Variants in CACNA2D1 observed in about 807,000 individuals in gnomAD.
The protein encoded by CACNA2D1 is calcium voltage-gated channel auxiliary subunit alpha2delta 1.
A neutral mutation model predicts 171.5 loss-of-function variants in CACNA2D1; 53 were observed. The ratio of observed to expected loss-of-function variants is 0.31; its 90% CI spans 0.25 to 0.39. The LOEUF is 0.39. Ranked by LOEUF, CACNA2D1 falls within the 10% of genes least tolerant of loss-of-function variation. CACNA2D1 has a pLI of 1.00. For synonymous variants in CACNA2D1, 442 were observed against 443.1 expected, an observed-to-expected ratio of 1.00 and a Z score of 0.03; for missense variants, 903 against 1,299.8, an observed-to-expected ratio of 0.69 and a Z score of 4.69.
intron 3 of CACNA2D1, among the ~76,000 whole-genome samples, chr7:82,173,586 T>C (rs1335558933): frequency 6.6e-6 from 1 of 151,260 alleles, no homozygotes. Flanking sequence ...GGGACTAGAG[T>C]CAACAGTCAC....
At chr7:81,980,656 G>A (rs1457717336) in intron 24 of CACNA2D1, among the ~76,000 whole-genome samples, 1 of 152,136 alleles carries the variant, frequency 6.6e-6, no homozygotes, top group African/African-American at 2.4e-5. Flanking sequence ...GAAATACAGG[G>A]TAAATATGAA....
intron 5 of CACNA2D1, among the ~76,000 whole-genome samples, chr7:82,134,594 CTTTAA>C (rs1266355325): frequency 6.6e-6 from 1 of 152,118 alleles, no homozygotes; most frequent in African/African-American, 2.4e-5. Context: ...ATTTATAAGG[CTTTAA>C]TTTGCTAAAT....
intron 9 of CACNA2D1, among the ~76,000 whole-genome samples, chr7:82,061,599 C>T (rs1420877917): frequency 6.6e-6 from 1 of 152,176 alleles, no homozygotes; most frequent in African/African-American, 2.4e-5. Context: ...ACAGGTTCTT[C>T]CTGCCCGCTG....
At chr7:82,106,589 A>C (rs929652670) in intron 6 of CACNA2D1, among the ~76,000 whole-genome samples, 2 of 152,142 alleles carry the variant, frequency 1.3e-5, no homozygotes, top group Non-Finnish European at 2.9e-5. Flanking sequence ...AAATAAAGCA[A>C]TAACTGGATT....
chr7:82,001,686 A>G lies in CACNA2D1; in HGVS notation c.1590+3737T>C, dbSNP rs1287670487. ...GGATATTGGGTCTCCTTTTTCTTAA[A>G]TTAATTGTTGGTATACCTACACCAA... On this transcript the variant is annotated intron_variant, in intron 18 of 38. Coordinates refer to ENST00000356860, the MANE Select transcript of CACNA2D1 (RefSeq NM_000722.4). 3.9e-6 allele frequency: 5 copies of G among 1,270,148 alleles called. No individual in the cohort carries two copies. In the East Asian group the frequency reaches 2.0e-4, roughly 50 times the overall value. The allele number at this position is 1,270,148 out of a possible 1,614,324, so 78.7% of individuals were successfully genotyped here.
intron 31 of CACNA2D1, among the ~76,000 whole-genome samples, 176 bp from the exon 32 acceptor site, chr7:81,965,841 T>C (rs887903217): frequency 1.3e-5 from 2 of 151,840 alleles, no homozygotes; most frequent in South Asian, 2.1e-4. Flanking sequence ...CATAGATTTA[T>C]ATCAAACCAT....
chr7:82,395,678 G>C (rs1457226256), intron 1 of CACNA2D1, among the ~76,000 whole-genome samples: 1 of 152,132 alleles, frequency 6.6e-6, no homozygotes, highest in African/African-American at 2.4e-5. Flanking sequence ...ACAATTAATA[G>C]TCTGAAGGAA....
At chr7:82,399,123 T>A (rs1826063490) in intron 1 of CACNA2D1, among the ~76,000 whole-genome samples, 2 of 152,038 alleles carry the variant, frequency 1.3e-5, no homozygotes, top group South Asian at 4.1e-4. Context: ...AAAATCAGAG[T>A]CAGCACTAAA....
chr7:81,994,237 T>A (rs1412137041), intron 20 of CACNA2D1, among the ~76,000 whole-genome samples: 2 of 152,108 alleles, frequency 1.3e-5, no homozygotes, highest in Admixed American at 6.5e-5. Flanking sequence ...GTACTCCACA[T>A]CTGACTAATA....
At chr7:82,369,176 ATTAT>A (rs1193794369) in intron 1 of CACNA2D1, among the ~76,000 whole-genome samples, 11 of 152,194 alleles carry the variant, frequency 7.2e-5, no homozygotes, top group Admixed American at 6.6e-4. Context: ...TTTCATAGTA[ATTAT>A]TTATTTATCA....
At chr7:82,160,356 TAAAAA>T (rs1464311602) in intron 4 of CACNA2D1, among the ~76,000 whole-genome samples, 1 of 151,816 alleles carries the variant, frequency 6.6e-6, no homozygotes, top group African/African-American at 2.4e-5. Context: ...AGAAAAAAAT[TAAAAA>T]AGAAATAAAG....
chr7:82,156,003 A>G (rs1794340254), intron 4 of CACNA2D1, among the ~76,000 whole-genome samples: 1 of 152,182 alleles, frequency 6.6e-6, no homozygotes, highest in Non-Finnish European at 1.5e-5. Context: ...TAATTCTTGT[A>G]ACACTCAATT....
intron 1 of CACNA2D1, among the ~76,000 whole-genome samples, chr7:82,435,030 C>CTTTTTTT (rs764179836): frequency 1.4e-4 from 12 of 84,356 alleles, no homozygotes; most frequent in Non-Finnish European, 2.0e-4. Flanking sequence ...TCTTCAGATA[C>CTTTTTTT]TTTTTTTTTT....
chr7:82,169,701 A>C (rs921799664), intron 4 of CACNA2D1, among the ~76,000 whole-genome samples: 7 of 152,002 alleles, frequency 4.6e-5, no homozygotes, highest in African/African-American at 1.7e-4. Flanking sequence ...TTCTAAACCT[A>C]TTTTAAATGT....
At chr7:81,953,102 CCTCTAA>C (rs1792800120) in intron 38 of CACNA2D1, among the ~76,000 whole-genome samples, 1 of 151,874 alleles carries the variant, frequency 6.6e-6, no homozygotes, top group African/African-American at 2.4e-5. Context: ...GGGAATCCAT[CCTCTAA>C]CTCTACCTTC....
At chr7:82,132,062 T>G (rs1386344728) in intron 5 of CACNA2D1, among the ~76,000 whole-genome samples, 3 of 152,160 alleles carry the variant, frequency 2.0e-5, no homozygotes, top group Non-Finnish European at 4.4e-5. Context: ...GTATTTACAG[T>G]TCTTGACTTT....
In CACNA2D1 at chr7:82,080,531, ACAAT is replaced by A. The variant is rs1043585250; in HGVS notation, c.658+4234_658+4237del. On this transcript the variant is annotated intron_variant, in intron 7 of 38. Transcript: ENST00000356860. ...TGAATTTAGCAAAAAGAAATACAAG[ACAAT>A]CAGTTAACTTTGAATTTCAATAAAA... Among the ~76,000 whole-genome samples, 26 of 152,332 alleles carry A rather than the reference ACAAT, an allele frequency of 1.7e-4. No homozygotes were observed. The East Asian group carries it at 4.6e-3, about 27-fold the overall frequency.
intron 1 of CACNA2D1, among the ~76,000 whole-genome samples, chr7:82,438,397 G>C (rs1318379012): frequency 6.6e-6 from 1 of 152,090 alleles, no homozygotes; most frequent in Non-Finnish European, 1.5e-5. Flanking sequence ...ACACAAACTA[G>C]GAAAGTTATC....
At chr7:82,038,459 G>A (rs1333293498) in intron 10 of CACNA2D1, among the ~76,000 whole-genome samples, 1 of 152,108 alleles carries the variant, frequency 6.6e-6, no homozygotes, top group Admixed American at 6.5e-5. Flanking sequence ...TATTCCCGAA[G>A]CCTGCTTTCC....
Sources: gnomAD v4.1 joint callset for allele counts (sites outside exome capture counted in the v4.1 genomes callset) on GRCh38, gnomAD v4.1.1 for gene constraint, MANE v1.5 for transcripts, NCBI Gene and HGNC (gene_info 2026-07-23, HGNC 2026-07-21) for gene names.